ARHGEF12: variants seen among roughly 807,000 people sequenced by gnomAD.
ARHGEF12 encodes Rho guanine nucleotide exchange factor 12, also known as KMT2A/ARHGEF12 fusion protein.
In ARHGEF12, 66 loss-of-function variants were observed where a neutral mutation model predicts 211.2. The observed-to-expected ratio is 0.31, with a 90% confidence interval of 0.26 to 0.38. ARHGEF12 has a LOEUF of 0.38. Ranked by LOEUF, ARHGEF12 falls within the 10% of genes least tolerant of loss-of-function variation. The pLI, the probability that ARHGEF12 is intolerant of heterozygous loss-of-function variation, is 1.00. For missense variants in ARHGEF12, 1,429 were observed against 1,869.5 expected, an observed-to-expected ratio of 0.76 and a Z score of 4.34; for synonymous variants, 592 against 638.4, an observed-to-expected ratio of 0.93 and a Z score of 1.09.
intron 39 of ARHGEF12, 42 bp downstream of exon 39, chr11:120,481,618 A>AC: frequency 6.3e-7 from 1 of 1,577,680 alleles, no homozygotes. Flanking sequence ...GTTGTAAGAA[A>AC]CATTTAGCAG....
chr11:120,460,576 G>A (rs151198665), intron 26 of ARHGEF12, 96 bp from the exon 27 acceptor site: 160 of 893,832 alleles, frequency 1.8e-4, no homozygotes, highest in Non-Finnish European at 2.5e-4. Flanking sequence ...TGTGAAAATC[G>A]TCTTTATAAA....
chr11:120,484,473 G>C lies in ARHGEF12; in HGVS notation c.4590G>C (p.Arg1530Ser). The stretch of plus-strand genomic sequence containing the variant: ...AAAGTTACACCATTCTTTGCCAAAG[G>C]CTGGCTGGATCAGCCCTCACAGACA... ...VEESYTILCQ[R>S]LAGSALTDKH... Residue 1530 changes from arginine to serine, a missense_variant, in exon 40 of 41, where the codon AGG becomes AGC. By Grantham distance (110) the Arg-to-Ser change is moderately radical. Around this residue, in one of 7 missense-constraint regions of ARHGEF12, gnomAD observed 467 missense variants for 468.4 expected, o/e 1.00. Transcript: ENST00000397843. 6 of 1,614,056 alleles carry C rather than the reference G, an allele frequency of 3.7e-6. No individual in the cohort carries two copies. The highest frequency in any genetic ancestry group is 5.1e-6 in the Non-Finnish European group (6 of 1,180,012).
chr11:120,378,393 G>C lies in ARHGEF12; in HGVS notation c.33-27725G>C, dbSNP rs139251584. On this transcript the variant is annotated intron_variant, in intron 1 of 40. Coordinates refer to ENST00000397843, the MANE Select transcript of ARHGEF12 (RefSeq NM_015313.3). ...GAGGTAAGGTATGGGTCCTTTGTCAGTTACATTTAGAAAATGTTTTTCTTT... is the reference window on the plus strand; with the variant it reads ...GAGGTAAGGTATGGGTCCTTTGTCACTTACATTTAGAAAATGTTTTTCTTT... Among the ~76,000 whole-genome samples the C allele has an allele frequency of 9.1e-4, 138 of 152,296 alleles. 1 individual carries two copies. Among genetic ancestry groups the C allele is most frequent in the African/African-American group, 3.2e-3 (133 of 41,578 alleles).
At chr11:120,369,804 G>C (rs1943538626) in intron 1 of ARHGEF12, among the ~76,000 whole-genome samples, 1 of 152,096 alleles carries the variant, frequency 6.6e-6, no homozygotes, top group Non-Finnish European at 1.5e-5. Flanking sequence ...AAAGTAAAAA[G>C]AAAATGATAT....
At chr11:120,410,608 T>G (rs1944855399) in intron 4 of ARHGEF12, 1 of 152,140 alleles carries the variant, frequency 6.6e-6, no homozygotes, top group Admixed American at 6.6e-5. Flanking sequence ...TATCAGATAC[T>G]TTTTAGTATT....
rs1947392311 is a variant in ARHGEF12 at position 120,486,180 on chromosome 11, GA to G, written c.*1104del. ...GCTATCATTAGCCACAGGTACTGCTGATTATAAGGCCAGTAAAATTTTAGTA... is the reference window on the plus strand; with the variant it reads ...GCTATCATTAGCCACAGGTACTGCTGTTATAAGGCCAGTAAAATTTTAGTA... On this transcript the variant is annotated 3_prime_UTR_variant, in exon 41 of 41. Coordinates refer to ENST00000397843, the MANE Select transcript of ARHGEF12 (RefSeq NM_015313.3). 4.3e-6 allele frequency: 1 copy of G among 233,324 alleles called. No homozygotes were observed. The allele number at this position is 233,324 out of a possible 1,614,324, so 14.5% of individuals were successfully genotyped here. A position where few individuals can be genotyped will look rare whatever the true frequency, so the allele number is the denominator to read the frequency against.
intron 1 of ARHGEF12, among the ~76,000 whole-genome samples, chr11:120,351,767 G>A (rs998715708): frequency 1.3e-5 from 2 of 151,944 alleles, no homozygotes; most frequent in East Asian, 1.9e-4. Flanking sequence ...CACTGCGCCC[G>A]GCCGGATGTT....
chr11:120,393,537 A>G (rs1374923598), intron 1 of ARHGEF12, among the ~76,000 whole-genome samples: 1 of 152,234 alleles, frequency 6.6e-6, no homozygotes, highest in African/African-American at 2.4e-5. Context: ...TTAATATCAG[A>G]TAAAGTAGAT....
At chr11:120,444,165 G>C (rs1259012435) in intron 15 of ARHGEF12, among the ~76,000 whole-genome samples, 2 of 152,100 alleles carry the variant, frequency 1.3e-5, no homozygotes, top group Non-Finnish European at 2.9e-5. Context: ...AAGTGAATTA[G>C]TGTTCTGATC....
intron 7 of ARHGEF12, 38 bp downstream of exon 7, chr11:120,424,453 A>C: frequency 6.3e-7 from 1 of 1,591,114 alleles, no homozygotes; most frequent in Non-Finnish European, 8.6e-7. Flanking sequence ...TTGTTTTCTG[A>C]AACCCTTAAA....
chr11:120,484,937 A>G (rs1947360881), intron 40 of ARHGEF12, 130 bp from the exon 41 acceptor site: 1 of 954,364 alleles, frequency 1.0e-6, no homozygotes, highest in Non-Finnish European at 1.6e-6. Flanking sequence ...GCAGCAGTTT[A>G]TACTCATCTG....
At chr11:120,393,205 A>T (rs1002862323) in intron 1 of ARHGEF12, among the ~76,000 whole-genome samples, 10 of 152,202 alleles carry the variant, frequency 6.6e-5, no homozygotes, top group Non-Finnish European at 1.0e-4. Context: ...AAATCTAGTG[A>T]GAGAGCCAAA....
At chr11:120,424,532 T>C in intron 7 of ARHGEF12, 117 bp downstream of exon 7, 3 of 686,912 alleles carry the variant, frequency 4.4e-6, no homozygotes, top group Non-Finnish European at 7.3e-6. Flanking sequence ...CTATATAGTC[T>C]ACTGCCGACT....
intron 30 of ARHGEF12, among the ~76,000 whole-genome samples, chr11:120,472,315 A>T (rs1344280813): frequency 6.6e-6 from 1 of 152,138 alleles, no homozygotes; most frequent in African/African-American, 2.4e-5. Context: ...AAATAAATAC[A>T]TATCTGTTTG....
At position 120,486,640 on chromosome 11, in the gene ARHGEF12, C is replaced by T. The variant is rs1378880117; in HGVS notation, c.*1563C>T. 4.5e-6 allele frequency: 1 copy of T among 224,206 alleles called. No homozygotes were observed. The highest frequency in any genetic ancestry group is 8.9e-6 in the Non-Finnish European group (1 of 112,410). The allele number at this position is 224,206 out of a possible 1,614,324, so 13.9% of individuals were successfully genotyped here. On this transcript the variant is annotated 3_prime_UTR_variant, in exon 41 of 41. Coordinates refer to ENST00000397843, the MANE Select transcript of ARHGEF12 (RefSeq NM_015313.3). ...AAACAAGGAGTTCATCCGTTGCTCACATCTTTCATTGGTGCCCTCTGAACT... is the reference window on the plus strand; with the variant it reads ...AAACAAGGAGTTCATCCGTTGCTCATATCTTTCATTGGTGCCCTCTGAACT...
rs543129482 is a variant in ARHGEF12 at position 120,457,654 on chromosome 11, A to G, written c.2190-67A>G. 1.6e-5 allele frequency: 19 copies of G among 1,210,466 alleles called. No individual in the cohort carries two copies. The South Asian group carries it at 2.8e-4, about 18-fold the overall frequency. The allele number at this position is 1,210,466 out of a possible 1,614,324, so 75.0% of individuals were successfully genotyped here. ...GCTGGAGTTTAACCTAGCTTTGAGT[A>G]TCTTTGGTATAAATGTATTGATCAC... On this transcript the variant is annotated intron_variant, in intron 23 of 40. Coordinates refer to ENST00000397843, the MANE Select transcript of ARHGEF12 (RefSeq NM_015313.3).
At chr11:120,360,769 T>C (rs1943255445) in intron 1 of ARHGEF12, among the ~76,000 whole-genome samples, 1 of 152,172 alleles carries the variant, frequency 6.6e-6, no homozygotes, top group South Asian at 2.1e-4. Context: ...AAAACCAGTA[T>C]TGTTTGCTAC....
chr11:120,425,345 T>A (rs1452681420), intron 7 of ARHGEF12, among the ~76,000 whole-genome samples: 1 of 151,654 alleles, frequency 6.6e-6, no homozygotes, highest in South Asian at 2.1e-4. Flanking sequence ...CTTGGTTTTT[T>A]TTTTTTTTTT....
At chr11:120,417,624 C>G (rs1945070978) in intron 4 of ARHGEF12, among the ~76,000 whole-genome samples, 2 of 150,874 alleles carry the variant, frequency 1.3e-5, no homozygotes, top group South Asian at 4.2e-4. Context: ...AAGCAGTTCT[C>G]CTGCCTCAGC....
Sources: gnomAD v4.1 joint callset for allele counts (sites outside exome capture counted in the v4.1 genomes callset) on GRCh38, gnomAD v4.1.1 for gene constraint, gnomAD v4.1.1 regional missense constraint, MANE v1.5 for transcripts, NCBI Gene and HGNC (gene_info 2026-07-23, HGNC 2026-07-21) for gene names.